The following FCHSD1 variants were observed in gnomAD, a reference collection of about 807,000 sequenced individuals.
FCHSD1 encodes the protein FCH and double SH3 domains 1.
A neutral mutation model predicts 101.3 loss-of-function variants in FCHSD1; 109 were observed. The observed-to-expected ratio is 1.08, with a 90% CI of 0.92 to 1.26. The LOEUF is 1.26. Ranked by LOEUF, FCHSD1 falls within the 50% of genes most tolerant of loss-of-function variation. FCHSD1 has a pLI of 0.00. For synonymous variants in FCHSD1, 291 were observed against 356.8 expected (o/e 0.82, Z 2.08); for missense variants, 820 against 895.8 (o/e 0.92, Z 1.08).
Position 141,639,997 on chromosome 5 carries a change from G to C in FCHSD1, c.*1501C>G. 1.2e-6 allele frequency: 2 copies of C among 1,613,648 alleles called. No individual in the cohort carries two copies. Among genetic ancestry groups the C allele is most frequent in the African/African-American group, 1.3e-5 (1 of 75,056 alleles). On this transcript the variant is annotated 3_prime_UTR_variant, in exon 20 of 20. Coordinates refer to ENST00000435817, the MANE Select transcript of FCHSD1 (RefSeq NM_033449.3). The surrounding 1 kb of genome is among the most constrained non-coding windows in gnomAD (Gnocchi z 4.4). ...GGCTCCCCCACAGACAGGAGCTGGG[G>C]CTCTGGTGGGGGACAGGACCCAGGG... is the stretch of plus-strand genomic sequence containing the variant.
Position 141,644,420 on chromosome 5 carries a change from A to G in FCHSD1, c.1661T>C (p.Leu554Pro), listed in dbSNP as rs762718461. ...TGCACTCTGTCCGGTGTAGCTGTAC[A>G]GGGCCTGTGCCAGGAATGCTACAGA... ...AEPTAFLAQA[L>P]YSYTGQSAEE... The change falls in exon 17 of 20, where the codon CTG (leucine) becomes CCG (proline). Residue 554 changes from leucine (L) to proline (P), a missense_variant. Leu to Pro is a moderately conservative substitution (Grantham distance 98, BLOSUM62 -3). Transcript: ENST00000435817. 6 of 1,613,664 alleles carry G rather than the reference A, an allele frequency of 3.7e-6. No individual in the cohort carries two copies. The Admixed American group carries it at 5.0e-5, about 13-fold the overall frequency.
rs200210180 is a variant in FCHSD1 at position 141,640,035 on chromosome 5, T to G, written c.*1463A>C. 55 of 1,613,022 alleles carry G rather than the reference T, an allele frequency of 3.4e-5. No individual in the cohort carries two copies. The East Asian group carries it at 6.9e-4, about 20-fold the overall frequency. Reference sequence around the variant, plus strand: ...ACAGGACCCAGGGGGTGGTCAGGGGTCTGGGGGAGGGCAGCCCAAGGCAGG... The same window carrying G: ...ACAGGACCCAGGGGGTGGTCAGGGGGCTGGGGGAGGGCAGCCCAAGGCAGG... On this transcript the variant is annotated 3_prime_UTR_variant, in exon 20 of 20. Coordinates refer to ENST00000435817, the MANE Select transcript of FCHSD1 (RefSeq NM_033449.3).
chr5:141,644,682 G>A lies in FCHSD1; in HGVS notation c.1533C>T (p.Asn511=), dbSNP rs763499908. Residue 511 remains asparagine (N), a synonymous_variant, in exon 16 of 20, where the codon AAC becomes AAT. Transcript: ENST00000435817. ...GGACAAAGCCTACCTCGCCGTGCTG[G>A]TTCCGAGCCTGCTCACCCAGCAATG... ...GDADEWVKAR[N]QHGEVGFVPE... 4 of 1,613,796 alleles carry A rather than the reference G, an allele frequency of 2.5e-6. No individual in the cohort carries two copies. In the African/African-American group the frequency reaches 4.0e-5, roughly 16 times the overall value.
At position 141,640,799 on chromosome 5, in the gene FCHSD1, C is replaced by T. The variant is rs1206600850; in HGVS notation, c.*699G>A. 8.9e-6 allele frequency: 8 copies of T among 893,984 alleles called. No individual in the cohort carries two copies. The East Asian group carries it at 1.3e-4, about 15-fold the overall frequency. 55.4% of individuals were successfully genotyped at this position (893,984 alleles called of 1,614,324 possible). A position where few individuals can be genotyped will look rare whatever the true frequency, so the allele number is the denominator to read the frequency against. On this transcript the variant is annotated 3_prime_UTR_variant, in exon 20 of 20. Transcript: ENST00000435817. ...CCAGCTCTACTTCCACCTGGAGTTG[C>T]ACAGTCTCAGGCTGGGGGCCTCAGG...
At chr5:141,642,783 T>C (rs955147828) in intron 18 of FCHSD1, 29 of 561,262 alleles carry the variant, frequency 5.2e-5, no homozygotes, top group Non-Finnish European at 7.8e-5. Context: ...ATAAAGAACA[T>C]AAACTGAGGC....
In FCHSD1 at chr5:141,645,026, G is replaced by A; in HGVS notation, c.1434C>T (p.Arg478=). ...TCCCCACCCCCATTCATACCTGATAGCGAAATACCACGTGTGCAGGGCAGG... is the reference window on the plus strand; with the variant it reads ...TCCCCACCCCCATTCATACCTGATAACGAAATACCACGTGTGCAGGGCAGG... The part of the protein sequence containing the change: ...ALPCPAHVVF[R]YQAGREDELT... Residue 478 remains arginine (R), a synonymous_variant, in exon 14 of 20, where the codon CGC becomes CGT. Coordinates refer to ENST00000435817, the MANE Select transcript of FCHSD1 (RefSeq NM_033449.3). The A allele has an allele frequency of 3.7e-6, 6 of 1,611,688 alleles. No individual in the cohort carries two copies. Among genetic ancestry groups the A allele is most frequent in the Non-Finnish European group, 5.1e-6 (6 of 1,178,310 alleles).
rs1396414467 is a variant in FCHSD1, at chr5:141,649,482, C to T, written c.288G>A (p.Gly96=). ...CAGACGCCTGGAGTCGGGTTTGGCC[C>T]CCAGCCACGGTGGCATCCAGCAGGC... ...WRCLLDATVA[G]GQTRLQASDR... is the part of the protein sequence containing the mutation. Residue 96 remains glycine, a synonymous_variant, in exon 5 of 20, where the codon GGG becomes GGA. Transcript: ENST00000435817. This position sits in a 1 kb window ranked among gnomAD's most constrained non-coding sequence, Gnocchi z 4.1. The T allele has an allele frequency of 9.9e-6, 16 of 1,613,836 alleles. No individual in the cohort carries two copies. The highest frequency in any genetic ancestry group is 1.4e-5 in the Non-Finnish European group (16 of 1,179,890).
Position 141,647,633 on chromosome 5 carries a change from A to C in FCHSD1, c.706-113T>G, listed in dbSNP as rs1024364739. ...CATGAGGTATAGGAAGGAGAGAAGA[A>C]GACATTCTTCATGAGAAAGGCCCTC... On this transcript the variant is annotated intron_variant, in intron 8 of 19. Transcript: ENST00000435817. 26 of 1,511,856 alleles carry C rather than the reference A, an allele frequency of 1.7e-5. No individual in the cohort carries two copies. In the Admixed American group the frequency reaches 5.7e-4, roughly 33 times the overall value. 93.7% of individuals were successfully genotyped at this position (1,511,856 alleles called of 1,614,324 possible).
At chr5:141,642,351 G>A in intron 18 of FCHSD1, 2 of 668,178 alleles carry the variant, frequency 3.0e-6, no homozygotes, top group South Asian at 1.6e-5. Context: ...GACTCCAAAG[G>A]GGGCAAAGGT....
At position 141,649,328 on chromosome 5, in the gene FCHSD1, A is replaced by G. The variant is rs115399557; in HGVS notation, c.376-20T>C. The G allele has an allele frequency of 5.8e-4, 939 of 1,613,876 alleles. 7 individuals carry two copies. The African/African-American group carries it at 0.011, about 18-fold the overall frequency. ...TGTTCCCTATTGGGATGCATACACA[A>G]AGTCCTTACCTAGACCACCTTTGGT... On this transcript the variant is annotated intron_variant, in intron 5 of 19. Transcript: ENST00000435817. The surrounding 1 kb of genome is among the most constrained non-coding windows in gnomAD (Gnocchi z 4.1).
At position 141,640,445 on chromosome 5, in the gene FCHSD1, G is replaced by A; in HGVS notation, c.*1053C>T. ...ACCACAGGGAGCAGGGAGTATGTGA[G>A]GTGAGTCTGCCTGAGCCCTAAATGA... On this transcript the variant is annotated 3_prime_UTR_variant, in exon 20 of 20. Transcript: ENST00000435817. 1 of 1,614,168 alleles carries A rather than the reference G, an allele frequency of 6.2e-7. No homozygotes were observed. Among genetic ancestry groups the A allele is most frequent in the Non-Finnish European group, 8.5e-7 (1 of 1,180,016 alleles).
In FCHSD1 at chr5:141,640,794, A is replaced by C; in HGVS notation, c.*704T>G. The C allele has an allele frequency of 1.1e-6, 1 of 917,366 alleles. No homozygotes were observed. Among genetic ancestry groups the C allele is most frequent in the Middle Eastern group, 2.9e-4 (1 of 3,402 alleles). The allele number at this position is 917,366 out of a possible 1,614,324, so 56.8% of individuals were successfully genotyped here. A position where few individuals can be genotyped will look rare whatever the true frequency, so the allele number is the denominator to read the frequency against. On this transcript the variant is annotated 3_prime_UTR_variant, in exon 20 of 20. Transcript: ENST00000435817. The stretch of plus-strand genomic sequence containing the variant: ...AGGGACCAGCTCTACTTCCACCTGG[A>C]GTTGCACAGTCTCAGGCTGGGGGCC...
intron 13 of FCHSD1, among the ~76,000 whole-genome samples, chr5:141,645,414 G>A (rs2099907530): frequency 6.6e-6 from 1 of 152,132 alleles, no homozygotes; most frequent in African/African-American, 2.4e-5. Flanking sequence ...TAATGACCCA[G>A]TGTTAATAGT....
rs2099908024 is a variant in FCHSD1, at chr5:141,648,991, T to C, written c.542A>G (p.His181Arg). 1 of 1,613,710 alleles carries C rather than the reference T, an allele frequency of 6.2e-7. No individual in the cohort carries two copies. Among genetic ancestry groups the C allele is most frequent in the African/African-American group, 1.3e-5 (1 of 74,948 alleles). ...RLNRSDHGIF[H>R]SRTSLQKLST... is the part of the protein sequence containing the mutation. ...CAGTTTCTGGAGACTGGTCCGAGAG[T>C]GGAAGATCCCATGGTCACTTCGGTT... The change falls in exon 7 of 20, where the codon CAC becomes CGC. Residue 181 changes from histidine (H) to arginine (R), a missense_variant. Transcript: ENST00000435817.
Position 141,647,449 on chromosome 5 carries a change from G to A in FCHSD1, c.777C>T (p.Ala259=), listed in dbSNP as rs369917457. ...GGGCATGCTCCAGGATGACCTCTGC[G>A]GCTTCCAGCTCAGTGTGGCTCAGGG... ...LTSLSHTELE[A]AEVILEHAHR... Residue 259 remains alanine (A), a synonymous_variant, in exon 9 of 20, where the codon GCC becomes GCT. Coordinates refer to ENST00000435817, the MANE Select transcript of FCHSD1 (RefSeq NM_033449.3). 1.2e-5 allele frequency: 19 copies of A among 1,611,286 alleles called. No individual in the cohort carries two copies. The highest frequency in any genetic ancestry group is 1.7e-4 in the Middle Eastern group (1 of 6,040).
At position 141,645,775 on chromosome 5, in the gene FCHSD1, G is replaced by A; in HGVS notation, c.1307C>T (p.Pro436Leu). Residue 436 changes from proline (P) to leucine (L), a missense_variant, in exon 13 of 20, where the codon CCA (proline) becomes CTA (leucine). By Grantham distance (98) the Pro-to-Leu change is moderately conservative (BLOSUM62 -3). Coordinates refer to ENST00000435817, the MANE Select transcript of FCHSD1 (RefSeq NM_033449.3). ...EARLSQRDLS[P>L]TAEDAELSDF... ...AGTGTTGGGGGAGGAGCTCACGGTT[G>A]GAGAGAGGTCCCTCTGGGACAGCCG... 1 of 1,611,768 alleles carries A rather than the reference G, an allele frequency of 6.2e-7. No homozygotes were observed. The highest frequency in any genetic ancestry group is 8.5e-7 in the Non-Finnish European group (1 of 1,178,884).
Position 141,651,403 on chromosome 5 carries a change from CG to C in FCHSD1, c.-36del. Reference sequence around the variant, plus strand: ...AGCAAGGCGGTCAGCCACTGGACTCCGGAACTGGAGGAAGCCCCGCCCACTA... The same window carrying C: ...AGCAAGGCGGTCAGCCACTGGACTCCGAACTGGAGGAAGCCCCGCCCACTA... On this transcript the variant is annotated 5_prime_UTR_variant, in exon 1 of 20. Coordinates refer to ENST00000435817, the MANE Select transcript of FCHSD1 (RefSeq NM_033449.3). 1 of 1,550,996 alleles carries C rather than the reference CG, an allele frequency of 6.4e-7. No individual in the cohort carries two copies. The highest frequency in any genetic ancestry group is 8.7e-7 in the Non-Finnish European group (1 of 1,147,018).
rs1331874801 is a variant in FCHSD1 at position 141,647,483 on chromosome 5, G to A, written c.743C>T (p.Pro248Leu). ...VSELSEHLRDPLTSLSHTELE... is the reference protein window; with the variant it reads ...VSELSEHLRDLLTSLSHTELE... Reference sequence around the variant, plus strand: ...CTCAGTGTGGCTCAGGGAGGTCAGGGGGTCCCTCAAGTGCTCTGACAGCTC... The same window carrying A: ...CTCAGTGTGGCTCAGGGAGGTCAGGAGGTCCCTCAAGTGCTCTGACAGCTC... The change falls in exon 9 of 20, where the codon CCC (proline) becomes CTC (leucine). Residue 248 changes from proline to leucine, a missense_variant. Pro to Leu is a moderately conservative substitution (Grantham distance 98). Transcript: ENST00000435817. The A allele has an allele frequency of 1.9e-6, 3 of 1,612,564 alleles. No individual in the cohort carries two copies. Among genetic ancestry groups the A allele is most frequent in the East Asian group, 2.2e-5 (1 of 44,864 alleles).
Position 141,649,824 on chromosome 5 carries a change from T to A in FCHSD1, c.233+63A>T. The A allele has an allele frequency of 6.6e-7, 1 of 1,515,242 alleles. No homozygotes were observed. The allele number at this position is 1,515,242 out of a possible 1,614,324, so 93.9% of individuals were successfully genotyped here. A position where few individuals can be genotyped will look rare whatever the true frequency, so the allele number is the denominator to read the frequency against. ...TTGCTAGGCCTTCATCCCCACAGGTTCCTGGGGCTGAGCTCCCCATCACTT... is the reference window on the plus strand; with the variant it reads ...TTGCTAGGCCTTCATCCCCACAGGTACCTGGGGCTGAGCTCCCCATCACTT... On this transcript the variant is annotated intron_variant, in intron 4 of 19. Coordinates refer to ENST00000435817, the MANE Select transcript of FCHSD1 (RefSeq NM_033449.3). This position sits in a 1 kb window ranked among gnomAD's most constrained non-coding sequence, Gnocchi z 4.1.
Sources: gnomAD v4.1 joint callset for allele counts (sites outside exome capture counted in the v4.1 genomes callset) on GRCh38, gnomAD v4.1.1 for gene constraint, Gnocchi (gnomAD v3.1) non-coding constraint, MANE v1.5 for transcripts, NCBI Gene and HGNC (gene_info 2026-07-23, HGNC 2026-07-21) for gene names.